The following SH3GLB2 variants were observed in gnomAD, a reference collection of about 807,000 sequenced individuals.
The protein encoded by SH3GLB2 is endophilin-B2.
In SH3GLB2, 24 loss-of-function variants were observed where a neutral mutation model predicts 48.0. That is an observed-to-expected ratio of 0.50 (90% confidence interval 0.36 to 0.70). The LOEUF is 0.70. Ranked by LOEUF, SH3GLB2 falls within the 30% of genes least tolerant of loss-of-function variation. The probability of loss-of-function intolerance (pLI) is 0.00; values close to 1 mark genes in which losing one functional copy is unlikely to be tolerated. For missense variants in SH3GLB2, 425 were observed against 516.0 expected (o/e 0.82, Z 1.71); for synonymous variants, 227 against 207.6 (o/e 1.09, Z -0.80).
intron 5 of SH3GLB2, chr9:129,012,869 C>T: frequency 1.8e-6 from 2 of 1,100,622 alleles, no homozygotes; most frequent in Non-Finnish European, 2.7e-6. Context: ...AACCAGAGGC[C>T]CTGCACAGTA....
In SH3GLB2 at chr9:129,009,864, T is replaced by G. The variant is rs779406534; in HGVS notation, c.746A>C (p.His249Pro). ...LEGISSTHVN[H>P]LRCLHEFVKS... ...GACGAACTCGTGGAGGCAGCGCAGG[T>G]GGTTCACCTGCGGGGAAGAGGCCAG... Residue 249 changes from histidine to proline, a missense_variant, in exon 9 of 11, where the codon CAC (histidine) becomes CCC (proline). His to Pro is a moderately conservative substitution (Grantham distance 77). Transcript: ENST00000372564. The G allele has an allele frequency of 1.2e-6, 2 of 1,613,390 alleles. No individual in the cohort carries two copies.
At position 129,009,160 on chromosome 9, in the gene SH3GLB2, C is replaced by T; in HGVS notation, c.1026G>A (p.Val342=). 1 of 1,611,832 alleles carries T rather than the reference C, an allele frequency of 6.2e-7. No homozygotes were observed. The highest frequency in any genetic ancestry group is 2.2e-5 in the East Asian group (1 of 44,876). Reference sequence around the variant, plus strand: ...TGTCGGCTGCCTCGTAGTCATAGAGCACCCGAGCTTTGCGGGTCCCACTGG... The same window carrying T: ...TGTCGGCTGCCTCGTAGTCATAGAGTACCCGAGCTTTGCGGGTCCCACTGG... The part of the protein sequence containing the change: ...PPASGTRKAR[V]LYDYEAADSS... The change falls in exon 10 of 11, where the codon GTG becomes GTA. Residue 342 remains valine (V), a synonymous_variant. Transcript: ENST00000372564.
intron 7 of SH3GLB2, chr9:129,010,446 T>G: frequency 4.7e-6 from 3 of 644,630 alleles, no homozygotes; most frequent in Non-Finnish European, 8.3e-6. Context: ...ATCGGAGAAA[T>G]CCACCCAGCA....
chr9:129,019,495 CAGG>C (rs1182422568), intron 3 of SH3GLB2, among the ~76,000 whole-genome samples: 2 of 151,816 alleles, frequency 1.3e-5, no homozygotes, highest in East Asian at 1.9e-4. Flanking sequence ...CACCGGAGGT[CAGG>C]AGATCGAGAC....
At chr9:129,016,612 C>T (rs1196580357) in intron 3 of SH3GLB2, among the ~76,000 whole-genome samples, 4 of 150,892 alleles carry the variant, frequency 2.7e-5, no homozygotes, top group Non-Finnish European at 5.9e-5. Flanking sequence ...GAACCAAGAT[C>T]GCACCACTGC....
At chr9:129,010,758 C>A in intron 6 of SH3GLB2, 65 bp from the exon 7 acceptor site, 3 of 1,596,146 alleles carry the variant, frequency 1.9e-6, no homozygotes, top group Non-Finnish European at 8.6e-7. Context: ...GACCCTAGAG[C>A]CTGTGCCCTG....
At chr9:129,012,419 G>A (rs952915175) in intron 5 of SH3GLB2, 121 bp from the exon 6 acceptor site, 31 of 522,518 alleles carry the variant, frequency 5.9e-5, no homozygotes, top group Middle Eastern at 3.3e-4. Flanking sequence ...CCCCAGGGAC[G>A]GGGATACAAA....
chr9:129,010,550 T>C lies in SH3GLB2; in HGVS notation c.648+120A>G, dbSNP rs779363382. 1.0e-5 allele frequency: 12 copies of C among 1,165,550 alleles called. 1 individual carries two copies. The Admixed American group carries it at 1.3e-4, about 13-fold the overall frequency. The allele number at this position is 1,165,550 out of a possible 1,614,324, so 72.2% of individuals were successfully genotyped here. A position where few individuals can be genotyped will look rare whatever the true frequency, so the allele number is the denominator to read the frequency against. ...ACTGAGGCCCAGGGAGGGAAAGCAG[T>C]AACCCCTCCCCAGTGGGTGTGGGGC... is the stretch of plus-strand genomic sequence containing the variant. On this transcript the variant is annotated intron_variant, in intron 7 of 10. Coordinates refer to ENST00000372564, the MANE Select transcript of SH3GLB2 (RefSeq NM_020145.4).
At position 129,014,172 on chromosome 9, in the gene SH3GLB2, G is replaced by T. The variant is rs1843288827; in HGVS notation, c.561+239C>A. ...GCCTGGCGGGGTGGTGCACCCAGCT[G>T]GGGGCACTGCTGGTCCGCCCACACC... is the stretch of plus-strand genomic sequence containing the variant. On this transcript the variant is annotated intron_variant, in intron 5 of 10. Transcript: ENST00000372564. The surrounding 1 kb of genome is among the most constrained non-coding windows in gnomAD (Gnocchi z 4.1). 12 of 623,018 alleles carry T rather than the reference G, an allele frequency of 1.9e-5. No homozygotes were observed. The East Asian group carries it at 3.2e-4, about 16-fold the overall frequency. The allele number at this position is 623,018 out of a possible 1,614,324, so 38.6% of individuals were successfully genotyped here.
Position 129,028,125 on chromosome 9 carries a change from C to T in SH3GLB2, c.30G>A (p.Ser10=), listed in dbSNP as rs1161625690. The T allele has an allele frequency of 6.7e-7, 1 of 1,497,478 alleles. No individual in the cohort carries two copies. The highest frequency in any genetic ancestry group is 2.2e-5 in the Admixed American group (1 of 45,236). 92.8% of individuals were successfully genotyped at this position (1,497,478 alleles called of 1,614,324 possible). A position where few individuals can be genotyped will look rare whatever the true frequency, so the allele number is the denominator to read the frequency against. Residue 10 remains serine, a synonymous_variant, in exon 1 of 11, where the codon TCG becomes TCA. Coordinates refer to ENST00000372564, the MANE Select transcript of SH3GLB2 (RefSeq NM_020145.4). The part of the protein sequence containing the change: MDFNMKKLA[S]DAGIFFTRAV... Reference sequence around the variant, plus strand: ...CCCGGGTGAAGAAGATGCCCGCGTCCGACGCCAGCTTCTTCATGTTGAAGT... The same window carrying T: ...CCCGGGTGAAGAAGATGCCCGCGTCTGACGCCAGCTTCTTCATGTTGAAGT...
At position 129,010,263 on chromosome 9, in the gene SH3GLB2, G is replaced by A. The variant is rs373844088; in HGVS notation, c.649-54C>T. 1.2e-3 allele frequency: 1,717 copies of A among 1,491,984 alleles called. 6 individuals are homozygous for A. Among genetic ancestry groups the A allele is most frequent in the Non-Finnish European group, 1.5e-3 (1,562 of 1,073,016 alleles). The allele number at this position is 1,491,984 out of a possible 1,614,324, so 92.4% of individuals were successfully genotyped here. On this transcript the variant is annotated intron_variant, in intron 7 of 10. Transcript: ENST00000372564. ...CCACACACCACCCACCAGCTTCCCCGCAGTCTTCTCCTGGAGCCTACCTGG... is the reference window on the plus strand; with the variant it reads ...CCACACACCACCCACCAGCTTCCCCACAGTCTTCTCCTGGAGCCTACCTGG...
chr9:129,022,806 G>A (rs760358391), intron 1 of SH3GLB2, among the ~76,000 whole-genome samples: 26 of 152,304 alleles, frequency 1.7e-4, no homozygotes, highest in Admixed American at 2.6e-4. Flanking sequence ...GAAAGTACTC[G>A]GGACAAACAG....
rs1196922873 is a variant in SH3GLB2, at chr9:129,009,314, G to A, written c.872C>T (p.Pro291Leu). The change falls in exon 10 of 11, where the codon CCC becomes CTC. Residue 291 changes from proline (P) to leucine (L), a missense_variant. Transcript: ENST00000372564. Reference sequence around the variant, plus strand: ...GGTGCTGCTCAGGGGTGGGGAGGCGGGCTCTGTGGTGCCCACGAAGGTGCC... The same window carrying A: ...GGTGCTGCTCAGGGGTGGGGAGGCGAGCTCTGTGGTGCCCACGAAGGTGCC... ...FPGTFVGTTE[P>L]ASPPLSSTSP... 1.3e-6 allele frequency: 2 copies of A among 1,544,954 alleles called. No individual in the cohort carries two copies. Among genetic ancestry groups the A allele is most frequent in the East Asian group, 2.4e-5 (1 of 41,226 alleles).
chr9:129,012,518 G>A, intron 5 of SH3GLB2: 1 of 417,390 alleles, frequency 2.4e-6, no homozygotes, highest in Non-Finnish European at 4.2e-6. Context: ...TCAAGTGGCT[G>A]CAGGCACTGG....
chr9:129,009,733 A>AG (rs749422240), intron 9 of SH3GLB2, 38 bp downstream of exon 9: 62 of 1,548,306 alleles, frequency 4.0e-5, no homozygotes, highest in Non-Finnish European at 5.4e-5. Flanking sequence ...TATGGGAGCC[A>AG]GGGGGCCCCA....
At chr9:129,015,847 G>A (rs761529634) in intron 3 of SH3GLB2, 70 of 357,180 alleles carry the variant, frequency 2.0e-4, no homozygotes, top group Middle Eastern at 4.1e-4. Flanking sequence ...CAGTCTGGGT[G>A]ACACAGCAAG....
At chr9:129,013,117 GA>G in intron 5 of SH3GLB2, 1 of 1,420,512 alleles carries the variant, frequency 7.0e-7, no homozygotes, top group Non-Finnish European at 9.7e-7. Context: ...GCCCCAGTGG[GA>G]GGGGACACCA....
At chr9:129,012,521 G>A in intron 5 of SH3GLB2, 1 of 417,504 alleles carries the variant, frequency 2.4e-6, no homozygotes, top group South Asian at 9.6e-5. Flanking sequence ...AGTGGCTGCA[G>A]GCACTGGAGC....
Position 129,011,219 on chromosome 9 carries a change from G to C in SH3GLB2, c.625-526C>G, listed in dbSNP as rs1843101372. 1 of 153,214 alleles carries C rather than the reference G, an allele frequency of 6.5e-6. No individual in the cohort carries two copies. Among genetic ancestry groups the C allele is most frequent in the Non-Finnish European group, 1.5e-5 (1 of 68,784 alleles). The allele number at this position is 153,214 out of a possible 1,614,324, so 9.5% of individuals were successfully genotyped here. A position where few individuals can be genotyped will look rare whatever the true frequency, so the allele number is the denominator to read the frequency against. On this transcript the variant is annotated intron_variant, in intron 6 of 10. Coordinates refer to ENST00000372564, the MANE Select transcript of SH3GLB2 (RefSeq NM_020145.4). This position sits in a 1 kb window ranked among gnomAD's most constrained non-coding sequence, Gnocchi z 4.5. ...AGGCGGGAAGTGGCATCCAGACCCT[G>C]AAGAAGAAAGACGCTGCCCGGCCAC...
Sources: gnomAD v4.1 joint callset for allele counts (sites outside exome capture counted in the v4.1 genomes callset) on GRCh38, gnomAD v4.1.1 for gene constraint, Gnocchi (gnomAD v3.1) non-coding constraint, MANE v1.5 for transcripts, NCBI Gene and HGNC (gene_info 2026-07-23, HGNC 2026-07-21) for gene names.